Variants in ZNF652 observed in about 807,000 individuals in gnomAD.
ZNF652 encodes zinc finger protein 652.
A neutral mutation model predicts 45.2 loss-of-function variants in ZNF652; 16 were observed. The observed-to-expected ratio is 0.35, with a 90% CI of 0.24 to 0.54. The LOEUF is 0.54. Among genes scored for constraint, ZNF652 ranks in the 20% least tolerant of loss-of-function variants. ZNF652 has a pLI of 0.91. For synonymous variants in ZNF652, 250 were observed against 260.6 expected, an observed-to-expected ratio of 0.96 and a Z score of 0.39; for missense variants, 614 against 765.6, an observed-to-expected ratio of 0.80 and a Z score of 2.34.
Position 49,311,986 on chromosome 17 carries a change from T to C in ZNF652, c.1105A>G (p.Ser369Gly). ...CETCGKSFKR[S>G]MSLKVHSLQH... ...AAGGAGTGCACCTTGAGTGACATAC[T>C]GCGTTTGAATGATTTTCCACAGGTT... is the stretch of plus-strand genomic sequence containing the variant. The change falls in exon 4 of 6, where the codon AGT becomes GGT. Residue 369 changes from serine to glycine, a missense_variant. Coordinates refer to ENST00000430262, the MANE Select transcript of ZNF652 (RefSeq NM_001145365.3). The C allele has an allele frequency of 1.9e-6, 3 of 1,614,004 alleles. No homozygotes were observed. The highest frequency in any genetic ancestry group is 1.7e-6 in the Non-Finnish European group (2 of 1,179,898).
chr17:49,295,140 C>CT lies in ZNF652; in HGVS notation c.*3272dup, dbSNP rs1490915585. 6.9e-6 allele frequency: 1 copy of CT among 145,016 alleles called. No individual in the cohort carries two copies. The highest frequency in any genetic ancestry group is 1.5e-5 in the Non-Finnish European group (1 of 67,270). 9.0% of individuals were successfully genotyped at this position (145,016 alleles called of 1,614,324 possible). ...TTTTTTTTTGAGATGGAGTCTCGCT[C>CT]TGTTGCCCAGGCTGGAGCGCAGTGG... On this transcript the variant is annotated 3_prime_UTR_variant, in exon 6 of 6. Transcript: ENST00000430262.
chr17:49,319,001 T>C (rs2069850194), intron 1 of ZNF652, among the ~76,000 whole-genome samples: 2 of 152,310 alleles, frequency 1.3e-5, no homozygotes, highest in South Asian at 2.1e-4. Flanking sequence ...TGATTTTTTA[T>C]ATGTCAGTTG....
intron 5 of ZNF652, among the ~76,000 whole-genome samples, chr17:49,303,201 C>A (rs1442808061): frequency 3.3e-5 from 5 of 150,400 alleles, no homozygotes; most frequent in African/African-American, 9.8e-5. Context: ...CAGTGATTAT[C>A]TCTAGGTAAT....
intron 1 of ZNF652, among the ~76,000 whole-genome samples, chr17:49,327,767 ATATATATATATATTTTTTTTT>A (rs2069978146): frequency 8.2e-4 from 4 of 4,896 alleles, no homozygotes; most frequent in African/African-American, 3.5e-3. Flanking sequence ...ATATATATAT[ATATATATATATATTTTTTTTT>A]TTTTTTTTTA....
intron 1 of ZNF652, among the ~76,000 whole-genome samples, chr17:49,324,388 TTTTTTA>T (rs1468894991): frequency 6.6e-6 from 1 of 150,998 alleles, no homozygotes; most frequent in Non-Finnish European, 1.5e-5. Flanking sequence ...CTGTTTCGCC[TTTTTTA>T]TTTTATTTTT....
At chr17:49,320,290 A>G (rs2069872687) in intron 1 of ZNF652, among the ~76,000 whole-genome samples, 1 of 152,126 alleles carries the variant, frequency 6.6e-6, no homozygotes, top group South Asian at 2.1e-4. Context: ...CAAAAAAATT[A>G]CTTTTGCTTT....
chr17:49,338,335 T>C (rs184528899), intron 1 of ZNF652, among the ~76,000 whole-genome samples: 1 of 152,270 alleles, frequency 6.6e-6, no homozygotes, highest in East Asian at 1.9e-4. Context: ...CACCTTCTGC[T>C]AGATGTCACC....
chr17:49,313,770 C>T (rs969436200), intron 2 of ZNF652, among the ~76,000 whole-genome samples: 94 of 151,048 alleles, frequency 6.2e-4, no homozygotes, highest in Middle Eastern at 3.4e-3. Context: ...GTCAGGAGTT[C>T]GAGACCAGCC....
In ZNF652 at chr17:49,358,009, C is replaced by G. The variant is rs951579777; in HGVS notation, c.-259+3900G>C. 1.8e-4 allele frequency among the ~76,000 whole-genome samples: 27 copies of G among 152,348 alleles called. 1 individual carries two copies. The highest frequency in any genetic ancestry group is 6.5e-4 in the African/African-American group (27 of 41,586). ...AAATCTTGTCATAAGACAAAATGATCTGTAGTTTTACTCCAACATGCTCCA... is the reference window on the plus strand; with the variant it reads ...AAATCTTGTCATAAGACAAAATGATGTGTAGTTTTACTCCAACATGCTCCA... On this transcript the variant is annotated intron_variant, in intron 1 of 5. Coordinates refer to ENST00000430262, the MANE Select transcript of ZNF652 (RefSeq NM_001145365.3).
intron 1 of ZNF652, among the ~76,000 whole-genome samples, chr17:49,340,006 A>T (rs2070128074): frequency 6.6e-6 from 1 of 152,190 alleles, no homozygotes; most frequent in African/African-American, 2.4e-5. Context: ...TGCCGGGATT[A>T]CAGGCGTGAG....
intron 1 of ZNF652, among the ~76,000 whole-genome samples, chr17:49,361,526 C>T (rs1167979130): frequency 6.6e-6 from 1 of 152,194 alleles, no homozygotes; most frequent in Non-Finnish European, 1.5e-5. Flanking sequence ...TGCAAGCCAC[C>T]AGCTGCAGGG....
intron 1 of ZNF652, among the ~76,000 whole-genome samples, chr17:49,322,170 A>C (rs1261768585): frequency 6.6e-6 from 1 of 152,242 alleles, no homozygotes; most frequent in African/African-American, 2.4e-5. Flanking sequence ...GTTCTGCTAC[A>C]ATGCATATTT....
Position 49,353,633 on chromosome 17 carries a change from T to C in ZNF652, c.-259+8276A>G, listed in dbSNP as rs974246949. 6.3e-4 allele frequency among the ~76,000 whole-genome samples: 96 copies of C among 152,284 alleles called. 1 individual carries two copies. Among genetic ancestry groups the C allele is most frequent in the African/African-American group, 2.3e-3 (96 of 41,556 alleles). ...TTCAAAGTGCCCATACCAACCCAAT[T>C]TTTCTAAATGAAATAAAACAGAATG... On this transcript the variant is annotated intron_variant, in intron 1 of 5. Transcript: ENST00000430262.
chr17:49,327,759 A>G (rs2069975799), intron 1 of ZNF652, among the ~76,000 whole-genome samples: 1 of 9,672 alleles, frequency 1.0e-4, no homozygotes, highest in Non-Finnish European at 2.0e-4. Flanking sequence ...ATATATATAT[A>G]TATATATATA....
chr17:49,319,498 C>T (rs536255312), intron 1 of ZNF652, among the ~76,000 whole-genome samples: 15 of 151,732 alleles, frequency 9.9e-5, no homozygotes, highest in Non-Finnish European at 7.4e-5. Flanking sequence ...CTGAGCATAG[C>T]GGCTCATGCC....
At chr17:49,346,065 A>G (rs546385208) in intron 1 of ZNF652, among the ~76,000 whole-genome samples, 1 of 152,340 alleles carries the variant, frequency 6.6e-6, no homozygotes, top group South Asian at 2.1e-4. Context: ...CTACAAGTGT[A>G]GTACAACAGA....
intron 1 of ZNF652, among the ~76,000 whole-genome samples, chr17:49,336,025 C>CT (rs57525059): frequency 0.11 from 16,112 of 146,642 alleles, 985 homozygotes; most frequent in South Asian, 0.19. Context: ...GTTACCTTTA[C>CT]TTTTTTTTTT....
intron 5 of ZNF652, among the ~76,000 whole-genome samples, chr17:49,300,812 A>G (rs1192034641): frequency 1.3e-5 from 2 of 152,140 alleles, no homozygotes; most frequent in Non-Finnish European, 2.9e-5. Context: ...ACTGCTTTAC[A>G]TCTATTAACC....
intron 1 of ZNF652, among the ~76,000 whole-genome samples, chr17:49,331,069 CAA>C (rs1235620186): frequency 1.5e-5 from 1 of 67,332 alleles, no homozygotes. Context: ...AACTCCATCT[CAA>C]AAAAAAAAAA....
Sources: allele counts gnomAD v4.1 joint callset (sites outside exome capture counted in the v4.1 genomes callset), GRCh38; gene constraint gnomAD v4.1.1; transcripts MANE v1.5; gene names NCBI Gene and HGNC (gene_info 2026-07-23, HGNC 2026-07-21).